Variants in EVC2 observed in about 807,000 individuals in gnomAD.
EVC2 encodes EvC ciliary complex subunit 2.
EVC2 carries 148 observed loss-of-function variants against 149.3 expected under a neutral mutation model. The observed-to-expected ratio is 0.99, with a 90% CI of 0.87 to 1.14. EVC2 has a LOEUF of 1.14. Among genes scored for constraint, EVC2 ranks in the 50% most tolerant of loss-of-function variants. The probability of loss-of-function intolerance (pLI) is 0.00; values close to 1 mark genes in which losing one functional copy is unlikely to be tolerated. For missense variants in EVC2, 1,854 were observed against 1,627.3 expected (o/e 1.14, Z -2.40); for synonymous variants, 776 against 649.9 (o/e 1.19, Z -2.95).
In EVC2 at chr4:5,665,668, A is replaced by C; in HGVS notation, c.871-19T>G. On this transcript the variant is annotated intron_variant, in intron 7 of 21. Transcript: ENST00000344408. ...GCAGAACCTGTGGAGACAAGAGGAG[A>C]GCAGGATTCATGTGTGGTCAGACAG... is the stretch of plus-strand genomic sequence containing the variant. 6.2e-7 allele frequency: 1 copy of C among 1,613,584 alleles called. No individual in the cohort carries two copies. Among genetic ancestry groups the C allele is most frequent in the Non-Finnish European group, 8.5e-7 (1 of 1,179,836 alleles).
intron 11 of EVC2, among the ~76,000 whole-genome samples, chr4:5,630,251 C>T (rs1158422353): frequency 6.6e-6 from 1 of 152,154 alleles, no homozygotes; most frequent in African/African-American, 2.4e-5. Context: ...GCCCTGATGT[C>T]TCAGCCCTCA....
At chr4:5,659,330 T>C (rs773111401) in intron 9 of EVC2, among the ~76,000 whole-genome samples, 8 of 152,002 alleles carry the variant, frequency 5.3e-5, no homozygotes, top group Non-Finnish European at 1.0e-4. Flanking sequence ...TGAGTGACAT[T>C]TTCTTTCTGG....
At chr4:5,600,212 A>C (rs926663796) in intron 16 of EVC2, among the ~76,000 whole-genome samples, 10 of 152,206 alleles carry the variant, frequency 6.6e-5, no homozygotes. Context: ...TGAAAAGGAA[A>C]TAGTACCTGG....
intron 12 of EVC2, among the ~76,000 whole-genome samples, chr4:5,626,998 G>A (rs539524715): frequency 9.8e-4 from 149 of 152,278 alleles, no homozygotes; most frequent in Non-Finnish European, 1.7e-3. Flanking sequence ...ACTTGAGCTA[G>A]TTCCTATTTA....
chr4:5,595,004 G>A (rs1481725200), intron 16 of EVC2, among the ~76,000 whole-genome samples: 2 of 152,088 alleles, frequency 1.3e-5, no homozygotes, highest in African/African-American at 2.4e-5. Context: ...AAAGCAAGAA[G>A]GGAAGTTTAG....
intron 1 of EVC2, among the ~76,000 whole-genome samples, chr4:5,707,558 G>A (rs1722292177): frequency 6.6e-6 from 1 of 152,098 alleles, no homozygotes; most frequent in Non-Finnish European, 1.5e-5. Flanking sequence ...GAGGTCTGGG[G>A]GAAAATGGAT....
chr4:5,563,088 G>C lies in EVC2; in HGVS notation c.3687C>G (p.Leu1229=), dbSNP rs1157926409. Residue 1229 remains leucine, a synonymous_variant, in exon 22 of 22, where the codon CTC becomes CTG. Transcript: ENST00000344408. ...QSILKKTCLP[L]RERMIFSGKG... is the part of the protein sequence containing the mutation. ...TTCCAGAGAATATCATCCTCTCTCT[G>C]AGAGGGAGACATGTCTTCTTTAATA... The C allele has an allele frequency of 5.0e-6, 8 of 1,614,064 alleles. No homozygotes were observed. Among genetic ancestry groups the C allele is most frequent in the Middle Eastern group, 1.7e-4 (1 of 6,014 alleles).
At chr4:5,530,863 T>C in the EVC2 span, among the ~76,000 whole-genome samples, 3 of 152,332 alleles carry the variant, frequency 2.0e-5, no homozygotes, top group East Asian at 5.8e-4. Flanking sequence ...ATTGTGTTAA[T>C]AGTATCATCT....
At chr4:5,697,673 T>A in intron 1 of EVC2, 26 bp from the exon 2 acceptor site, 1 of 1,598,378 alleles carries the variant, frequency 6.3e-7, no homozygotes, top group Non-Finnish European at 8.6e-7. Context: ...CACAAAGTCA[T>A]TAATGGAACA....
intron 6 of EVC2, among the ~76,000 whole-genome samples, chr4:5,682,174 CATT>C (rs1431343801): frequency 2.0e-5 from 3 of 152,056 alleles, no homozygotes; most frequent in African/African-American, 7.2e-5. Flanking sequence ...GTAGTAGTAA[CATT>C]AGCAGCAGCA....
intron 11 of EVC2, among the ~76,000 whole-genome samples, chr4:5,630,694 A>G (rs1488131681): frequency 1.3e-5 from 2 of 152,122 alleles, no homozygotes; most frequent in African/African-American, 4.8e-5. Flanking sequence ...ATCAACCCCT[A>G]TGGACCTGAC....
At chr4:5,672,725 T>C (rs1056668911) in intron 7 of EVC2, among the ~76,000 whole-genome samples, 2 of 152,364 alleles carry the variant, frequency 1.3e-5, no homozygotes, top group Admixed American at 1.3e-4. Flanking sequence ...TGTACTCGAA[T>C]GCTCACAGCA....
intron 19 of EVC2, among the ~76,000 whole-genome samples, chr4:5,573,702 G>T (rs1722761657): frequency 6.6e-6 from 1 of 152,224 alleles, no homozygotes; most frequent in Non-Finnish European, 1.5e-5. Flanking sequence ...ATTTGTGACA[G>T]CAGTGATAGG....
At chr4:5,617,648 A>G (rs1287629629) in intron 15 of EVC2, among the ~76,000 whole-genome samples, 1 of 152,208 alleles carries the variant, frequency 6.6e-6, no homozygotes, top group African/African-American at 2.4e-5. Context: ...GGAGAGGGTA[A>G]TTTTAGACAG....
chr4:5,700,263 T>C (rs550822788), intron 1 of EVC2, among the ~76,000 whole-genome samples: 2 of 152,334 alleles, frequency 1.3e-5, no homozygotes, highest in South Asian at 2.1e-4. Flanking sequence ...CTAAAACTCT[T>C]CTAAAAATTA....
chr4:5,667,360 A>G (rs528987171), intron 7 of EVC2, among the ~76,000 whole-genome samples: 124 of 151,780 alleles, frequency 8.2e-4, no homozygotes, highest in Non-Finnish European at 1.3e-3. Flanking sequence ...AATAATAATT[A>G]TTATTATTAC....
intron 9 of EVC2, among the ~76,000 whole-genome samples, chr4:5,647,160 C>T (rs1344438461): frequency 1.3e-5 from 2 of 152,090 alleles, no homozygotes; most frequent in African/African-American, 2.4e-5. Context: ...TGACCTGTGG[C>T]GAGGATACCC....
intron 16 of EVC2, among the ~76,000 whole-genome samples, chr4:5,596,062 C>G (rs1344997054): frequency 3.9e-5 from 6 of 152,198 alleles, no homozygotes; most frequent in African/African-American, 1.4e-4. Context: ...CACCCAGATT[C>G]ATAAAGCAAG....
chr4:5,627,450 G>A (rs1426207433), intron 12 of EVC2, among the ~76,000 whole-genome samples: 1 of 152,180 alleles, frequency 6.6e-6, no homozygotes, highest in East Asian at 1.9e-4. Flanking sequence ...TAGGTGGGGA[G>A]TGTTTGCATA....
Sources: gnomAD v4.1 joint callset for allele counts (sites outside exome capture counted in the v4.1 genomes callset) on GRCh38, gnomAD v4.1.1 for gene constraint, MANE v1.5 for transcripts, NCBI Gene and HGNC (gene_info 2026-07-23, HGNC 2026-07-21) for gene names.